Variants in PHF14 observed in about 807,000 individuals in gnomAD.
The protein encoded by PHF14 is PHD finger protein 14.
Under a neutral mutation model 117.9 loss-of-function variants are expected in PHF14, and 55 were observed. The ratio of observed to expected loss-of-function variants is 0.47; its 90% CI spans 0.38 to 0.58. The LOEUF is 0.58. PHF14 is among the 20% of genes least tolerant of loss of function. The probability of loss-of-function intolerance (pLI) is 0.00; values close to 1 mark genes in which losing one functional copy is unlikely to be tolerated. For missense variants in PHF14, 978 were observed against 1,122.2 expected, an observed-to-expected ratio of 0.87 and a Z score of 1.84; for synonymous variants, 409 against 368.6, an observed-to-expected ratio of 1.11 and a Z score of -1.26.
intron 17 of PHF14, among the ~76,000 whole-genome samples, chr7:11,139,062 ATTG>A (rs1255720213): frequency 6.6e-6 from 1 of 152,144 alleles, no homozygotes; most frequent in African/African-American, 2.4e-5. Flanking sequence ...AAATGGTATT[ATTG>A]TTGTTTTCAT....
chr7:10,974,156 GAC>G lies in PHF14; in HGVS notation c.-167_-166del. The G allele has an allele frequency of 1.6e-6, 1 of 632,378 alleles. No homozygotes were observed. Among genetic ancestry groups the G allele is most frequent in the Non-Finnish European group, 2.8e-6 (1 of 352,002 alleles). 39.2% of individuals were successfully genotyped at this position (632,378 alleles called of 1,614,324 possible). ...AGGCCGGGGGGGCGGGGGGTTAGGG[GAC>G]CGCGGGGCTACTCTTGGGAGCGCCC... On this transcript the variant is annotated 5_prime_UTR_variant, in exon 1 of 18. Coordinates refer to ENST00000634607, the MANE Select transcript of PHF14 (RefSeq NM_001007157.2).
chr7:11,064,500 T>C (rs1303228214), intron 16 of PHF14, among the ~76,000 whole-genome samples: 2 of 151,972 alleles, frequency 1.3e-5, no homozygotes, highest in East Asian at 3.8e-4. Flanking sequence ...TCACAATTAG[T>C]CTTTTATTTA....
At position 11,013,778 on chromosome 7, in the gene PHF14, T is replaced by C. The variant is rs766519763; in HGVS notation, c.1077T>C (p.Ser359=). 1.9e-6 allele frequency: 3 copies of C among 1,600,550 alleles called. No individual in the cohort carries two copies. The highest frequency in any genetic ancestry group is 2.2e-5 in the East Asian group (1 of 44,728). Residue 359 remains serine (S), a synonymous_variant, in exon 5 of 18, where the codon TCT becomes TCC. Coordinates refer to ENST00000634607, the MANE Select transcript of PHF14 (RefSeq NM_001007157.2). ...GCYGVDGESD[S]IMSSASENST... The stretch of plus-strand genomic sequence containing the variant: ...ATGGAGTTGATGGAGAGAGTGACTC[T>C]ATTATGAGTTCAGCTTCTGAAAACT...
chr7:11,161,975 A>T (rs1169451329), intron 17 of PHF14, among the ~76,000 whole-genome samples: 1 of 149,402 alleles, frequency 6.7e-6, no homozygotes. Flanking sequence ...CGTCAGGGTT[A>T]TCAAACATAC....
intron 16 of PHF14, among the ~76,000 whole-genome samples, chr7:11,066,645 G>A (rs191810719): frequency 3.5e-4 from 54 of 152,318 alleles, no homozygotes; most frequent in African/African-American, 1.3e-3. Flanking sequence ...TCTGCCCCAT[G>A]TGGATTCCCA....
chr7:11,137,886 C>T (rs1306002317), intron 17 of PHF14, among the ~76,000 whole-genome samples: 1 of 151,906 alleles, frequency 6.6e-6, no homozygotes, highest in African/African-American at 2.4e-5. Flanking sequence ...TGCGCCCGGC[C>T]CTGTTGAGTC....
chr7:11,109,050 A>G (rs1787359718), intron 16 of PHF14: 1 of 151,796 alleles, frequency 6.6e-6, no homozygotes, highest in South Asian at 2.1e-4. Context: ...TAAGGAGAAA[A>G]GACTATAGTT....
intron 16 of PHF14, chr7:11,106,384 T>C (rs1259839358): frequency 1.0e-6 from 1 of 973,604 alleles, no homozygotes; most frequent in African/African-American, 1.8e-5. Context: ...GTTAGTCTTA[T>C]ATTTGTGAAA....
intron 16 of PHF14, chr7:11,104,584 G>A: frequency 1.0e-6 from 1 of 983,934 alleles, no homozygotes; most frequent in South Asian, 4.7e-5. Context: ...GGGAAAGGAA[G>A]AAACATGAAA....
At chr7:11,009,182 A>G (rs986290699) in intron 4 of PHF14, among the ~76,000 whole-genome samples, 5 of 152,192 alleles carry the variant, frequency 3.3e-5, no homozygotes, top group Non-Finnish European at 7.3e-5. Flanking sequence ...ATTAGGATAG[A>G]TATTATTAAA....
At chr7:11,143,850 T>C (rs1428274150) in intron 17 of PHF14, among the ~76,000 whole-genome samples, 3 of 151,772 alleles carry the variant, frequency 2.0e-5, no homozygotes, top group South Asian at 2.1e-4. Flanking sequence ...TTAAAACAGG[T>C]ACCAAAACCA....
intron 3 of PHF14, among the ~76,000 whole-genome samples, chr7:10,985,638 GTTTTTTTTTTTTTTTTTT>G (rs61250143): frequency 1.1e-4 from 5 of 45,936 alleles, no homozygotes; most frequent in South Asian, 1.1e-3. Flanking sequence ...TTCTCAAACT[GTTTTTTTTTTTTTTTTTT>G]TTTTTTTTTT....
At chr7:11,097,323 G>A (rs547424348) in intron 16 of PHF14, among the ~76,000 whole-genome samples, 3 of 152,172 alleles carry the variant, frequency 2.0e-5, no homozygotes, top group Non-Finnish European at 2.9e-5. Context: ...TGCCACAATG[G>A]AGAATTATTA....
At position 11,005,787 on chromosome 7, in the gene PHF14, C is replaced by CTTTTT. The variant is rs951270672; in HGVS notation, c.1046-7940_1046-7936dup. 2.4e-3 allele frequency among the ~76,000 whole-genome samples: 201 copies of CTTTTT among 84,440 alleles called. 2 individuals carry two copies. Among genetic ancestry groups the CTTTTT allele is most frequent in the Middle Eastern group, 0.013 (1 of 80 alleles). The allele number at this position is 84,440 out of a possible 152,430, so 55.4% of individuals were successfully genotyped here. A position where few individuals can be genotyped will look rare whatever the true frequency, so the allele number is the denominator to read the frequency against. ...GGATAGATACCTAGAAGTAAAAATT[C>CTTTTT]TTTTTTTTTTTTTTTTTTTTTTTTG... is the stretch of plus-strand genomic sequence containing the variant. On this transcript the variant is annotated intron_variant, in intron 4 of 17. Coordinates refer to ENST00000634607, the MANE Select transcript of PHF14 (RefSeq NM_001007157.2).
chr7:11,062,646 T>G, intron 16 of PHF14: 1 of 962,962 alleles, frequency 1.0e-6, no homozygotes, highest in South Asian at 4.8e-5. Flanking sequence ...TGTTTCGTTT[T>G]GGTACTTTAT....
At chr7:11,146,285 A>G (rs1788547177) in intron 17 of PHF14, among the ~76,000 whole-genome samples, 1 of 152,194 alleles carries the variant, frequency 6.6e-6, no homozygotes, top group African/African-American at 2.4e-5. Flanking sequence ...CAGATGGGAA[A>G]TATCTTTGTT....
At chr7:10,992,845 A>C (rs1261157391) in intron 4 of PHF14, among the ~76,000 whole-genome samples, 4 of 152,210 alleles carry the variant, frequency 2.6e-5, no homozygotes, top group Non-Finnish European at 4.4e-5. Context: ...TATTGCATTT[A>C]ATCGTCATGT....
rs558819705 is a variant in PHF14 at position 11,070,776 on chromosome 7, G to A, written c.2654+8691G>A. On this transcript the variant is annotated intron_variant, in intron 16 of 17. Transcript: ENST00000634607. Reference sequence around the variant, plus strand: ...GACCTTCCATTTATTTCTAATGACCGTGATAGTCTAATGCAATATGGCTCA... The same window carrying A: ...GACCTTCCATTTATTTCTAATGACCATGATAGTCTAATGCAATATGGCTCA... 2.6e-5 allele frequency among the ~76,000 whole-genome samples: 4 copies of A among 152,172 alleles called. No homozygotes were observed. The South Asian group carries it at 6.2e-4, about 24-fold the overall frequency.
At chr7:11,019,088 C>G (rs141744813) in intron 5 of PHF14, among the ~76,000 whole-genome samples, 44 of 152,148 alleles carry the variant, frequency 2.9e-4, no homozygotes, top group African/African-American at 1.0e-3. Context: ...GGGATAAATC[C>G]TACTTGGTCA....
Sources: gnomAD v4.1 joint callset for allele counts (sites outside exome capture counted in the v4.1 genomes callset) on GRCh38, gnomAD v4.1.1 for gene constraint, MANE v1.5 for transcripts, NCBI Gene and HGNC (gene_info 2026-07-23, HGNC 2026-07-21) for gene names.